ERICH3: variants seen among roughly 807,000 people sequenced by gnomAD.
The protein encoded by ERICH3 is glutamate-rich protein 3.
Under a neutral mutation model 131.1 loss-of-function variants are expected in ERICH3, and 126 were observed. The observed-to-expected ratio is 0.96, with a 90% CI of 0.83 to 1.11. ERICH3 has a LOEUF of 1.11. Ranked by LOEUF, ERICH3 falls within the 50% of genes most tolerant of loss-of-function variation. The pLI is 0.00. For synonymous variants in ERICH3, 695 were observed against 644.6 expected (o/e 1.08, Z -1.18); for missense variants, 2,050 against 1,810.7 (o/e 1.13, Z -2.40).
At chr1:74,574,012 G>T (rs568074628) in intron 13 of ERICH3, among the ~76,000 whole-genome samples, 18 of 145,452 alleles carry the variant, frequency 1.2e-4, no homozygotes, top group South Asian at 4.4e-4. Flanking sequence ...TTTTTTTCAG[G>T]CAGGGTCTCG....
chr1:74,627,564 CT>C (rs1313444004), intron 7 of ERICH3, among the ~76,000 whole-genome samples: 36 of 152,146 alleles, frequency 2.4e-4, no homozygotes, highest in East Asian at 1.9e-4. Context: ...CAATCCACCC[CT>C]ATGTTACATA....
intron 10 of ERICH3, among the ~76,000 whole-genome samples, chr1:74,605,940 T>C (rs956244783): frequency 7.0e-6 from 1 of 143,290 alleles, no homozygotes; most frequent in Admixed American, 7.8e-5. Flanking sequence ...CACAATAAAG[T>C]GAGCACAATA....
At chr1:74,590,533 G>A (rs1349666247) in intron 11 of ERICH3, among the ~76,000 whole-genome samples, 1 of 152,140 alleles carries the variant, frequency 6.6e-6, no homozygotes, top group Admixed American at 6.5e-5. Flanking sequence ...TAGAACCCTG[G>A]CATGTGCAGC....
In ERICH3 at chr1:74,614,416, T is replaced by C. The variant is rs983594102; in HGVS notation, c.1001-1607A>G. Among the ~76,000 whole-genome samples the C allele has an allele frequency of 4.0e-5, 6 of 148,594 alleles. No individual in the cohort carries two copies. The South Asian group carries it at 8.5e-4, about 21-fold the overall frequency. Reference sequence around the variant, plus strand: ...TCGGCCGGGCACGGTGGCTCACGCCTGTAATTCCAGAGCACTTTGGGAGGC... The same window carrying C: ...TCGGCCGGGCACGGTGGCTCACGCCCGTAATTCCAGAGCACTTTGGGAGGC... On this transcript the variant is annotated intron_variant, in intron 8 of 14. Transcript: ENST00000326665.
chr1:74,580,557 TG>T (rs1166093668), intron 12 of ERICH3, among the ~76,000 whole-genome samples: 1 of 152,234 alleles, frequency 6.6e-6, no homozygotes, highest in African/African-American at 2.4e-5. Flanking sequence ...GAAAGTCCTA[TG>T]TGCCTGCACT....
intron 1 of ERICH3, among the ~76,000 whole-genome samples, chr1:74,656,547 C>T (rs913438592): frequency 6.6e-6 from 1 of 152,150 alleles, no homozygotes; most frequent in African/African-American, 2.4e-5. Context: ...ATACATGACC[C>T]TCAATAATTC....
intron 8 of ERICH3, among the ~76,000 whole-genome samples, chr1:74,619,407 A>G (rs996865759): frequency 6.6e-6 from 1 of 152,228 alleles, no homozygotes; most frequent in Non-Finnish European, 1.5e-5. Context: ...AGCTAATTTC[A>G]GCATTCTCCT....
chr1:74,600,192 ACAT>A (rs1284935132), intron 10 of ERICH3, among the ~76,000 whole-genome samples: 1 of 151,940 alleles, frequency 6.6e-6, no homozygotes, highest in Non-Finnish European at 1.5e-5. Context: ...TTACAAATGA[ACAT>A]CATCATCTAA....
rs111433110 is a variant in ERICH3 at position 74,671,594 on chromosome 1, C to T, written c.23+1903G>A. Reference sequence around the variant, plus strand: ...AGAATCTATGTTGAAATATTGGGGGCGGGTTCCCCCAATAAGTCCTCAAAT... The same window carrying T: ...AGAATCTATGTTGAAATATTGGGGGTGGGTTCCCCCAATAAGTCCTCAAAT... On this transcript the variant is annotated intron_variant, in intron 1 of 14. Coordinates refer to ENST00000326665, the MANE Select transcript of ERICH3 (RefSeq NM_001002912.5). Among the ~76,000 whole-genome samples, 282 of 152,148 alleles carry T rather than the reference C, an allele frequency of 1.9e-3. 1 individual carries two copies. Among genetic ancestry groups the T allele is most frequent in the African/African-American group, 5.5e-3 (229 of 41,506 alleles).
intron 12 of ERICH3, among the ~76,000 whole-genome samples, chr1:74,580,067 T>C (rs1647150575): frequency 6.6e-6 from 1 of 152,092 alleles, no homozygotes; most frequent in Non-Finnish European, 1.5e-5. Flanking sequence ...AGACAGTATT[T>C]AGATAGATTA....
chr1:74,571,593 T>C lies in ERICH3; in HGVS notation c.4117A>G (p.Asn1373Asp), dbSNP rs147701259. Reference sequence around the variant, plus strand: ...ACATCTGAAAAGGAGGAGGCTTTATTTGCTATTGTTTTCTCCTCGGCTGTC... The same window carrying C: ...ACATCTGAAAAGGAGGAGGCTTTATCTGCTATTGTTTTCTCCTCGGCTGTC... ...SETAEEKTIA[N>D]KASSFSDVAE... Residue 1373 changes from asparagine to aspartate, a missense_variant, in exon 14 of 15, where the codon AAT becomes GAT. Transcript: ENST00000326665. 1.2e-6 allele frequency: 2 copies of C among 1,614,002 alleles called. No homozygotes were observed. The highest frequency in any genetic ancestry group is 2.2e-5 in the East Asian group (1 of 44,878).
At chr1:74,607,867 A>T (rs1648477325) in intron 9 of ERICH3, among the ~76,000 whole-genome samples, 1 of 152,026 alleles carries the variant, frequency 6.6e-6, no homozygotes, top group African/African-American at 2.4e-5. Flanking sequence ...TATGATAATG[A>T]TAAGATTATT....
intron 7 of ERICH3, among the ~76,000 whole-genome samples, chr1:74,627,153 G>A (rs116724478): frequency 8.7e-4 from 132 of 152,100 alleles, no homozygotes; most frequent in African/African-American, 2.8e-3. Context: ...AATTTTACTC[G>A]ATGCCTAAGG....
intron 11 of ERICH3, among the ~76,000 whole-genome samples, chr1:74,597,706 G>C (rs1174731810): frequency 3.3e-5 from 5 of 151,868 alleles, no homozygotes; most frequent in Non-Finnish European, 7.4e-5. Context: ...TATCTTTTGA[G>C]AAATCAGCTA....
intron 12 of ERICH3, chr1:74,577,140 A>C: frequency 2.1e-6 from 1 of 475,246 alleles, no homozygotes. Flanking sequence ...AATCCTAGAC[A>C]TCAATATATT....
At chr1:74,671,472 A>G (rs1239190797) in intron 1 of ERICH3, among the ~76,000 whole-genome samples, 3 of 152,224 alleles carry the variant, frequency 2.0e-5, no homozygotes, top group Non-Finnish European at 4.4e-5. Flanking sequence ...CAGTCCTACC[A>G]ATATGTGATG....
intron 1 of ERICH3, among the ~76,000 whole-genome samples, chr1:74,654,448 G>A (rs1646565671): frequency 2.0e-5 from 3 of 151,922 alleles, no homozygotes; most frequent in African/African-American, 4.8e-5. Context: ...TGCTCTAACA[G>A]AATACCATAG....
rs1205222460 is a variant in ERICH3, at chr1:74,568,767, A to G, written c.*1691T>C. The G allele has an allele frequency of 6.6e-6, 1 of 152,220 alleles. No individual in the cohort carries two copies. The highest frequency in any genetic ancestry group is 1.5e-5 in the Non-Finnish European group (1 of 68,024). The allele number at this position is 152,220 out of a possible 1,614,324, so 9.4% of individuals were successfully genotyped here. A position where few individuals can be genotyped will look rare whatever the true frequency, so the allele number is the denominator to read the frequency against. ...ATAGAGAGGCAAAGAAAGAAAGTTC[A>G]AAATGCCTCTGTAGTTGGCTTTCCA... On this transcript the variant is annotated 3_prime_UTR_variant, in exon 15 of 15. Coordinates refer to ENST00000326665, the MANE Select transcript of ERICH3 (RefSeq NM_001002912.5).
chr1:74,586,486 T>G (rs1647337051), intron 12 of ERICH3: 1 of 984,528 alleles, frequency 1.0e-6, no homozygotes. Context: ...ACTTTCACTT[T>G]ATTCTTCTCT....
Sources: allele counts gnomAD v4.1 joint callset (sites outside exome capture counted in the v4.1 genomes callset), GRCh38; gene constraint gnomAD v4.1.1; transcripts MANE v1.5; gene names NCBI Gene and HGNC (gene_info 2026-07-23, HGNC 2026-07-21).